TNS1: variants seen among roughly 807,000 people sequenced by gnomAD.
TNS1 encodes the protein tensin 1.
A neutral mutation model predicts 168.6 loss-of-function variants in TNS1; 62 were observed. The observed-to-expected ratio is 0.37, with a 90% CI of 0.30 to 0.45. TNS1 has a LOEUF of 0.45. TNS1 is among the 20% of genes least tolerant of loss of function. The pLI, the probability that TNS1 is intolerant of heterozygous loss-of-function variation, is 1.00. For synonymous variants in TNS1, 934 were observed against 933.2 expected (o/e 1.00, Z -0.02); for missense variants, 2,240 against 2,339.4 (o/e 0.96, Z 0.88).
intron 25 of TNS1, among the ~76,000 whole-genome samples, chr2:217,814,501 A>G (rs1371205546): frequency 6.6e-6 from 1 of 152,068 alleles, no homozygotes; most frequent in African/African-American, 2.4e-5. Context: ...TCCAGATTTG[A>G]CCCATGGGCT....
upstream of TNS1, among the ~76,000 whole-genome samples, chr2:218,004,807 A>G (rs917306274): frequency 3.9e-5 from 6 of 152,198 alleles, no homozygotes; most frequent in Non-Finnish European, 8.8e-5. Flanking sequence ...CTTCCCTGCC[A>G]GGATCACAAT....
chr2:217,860,653 T>C lies in TNS1; in HGVS notation c.1430-11566A>G, dbSNP rs551977372. On this transcript the variant is annotated intron_variant, in intron 18 of 32. Transcript: ENST00000682258. ...TGTTTATTTGTCCATCTGAATATCA[T>C]CTACATTATTATTTTGTAAGTTATA... is the stretch of plus-strand genomic sequence containing the variant. Among the ~76,000 whole-genome samples, 7 of 152,344 alleles carry C rather than the reference T, an allele frequency of 4.6e-5. No homozygotes were observed. The East Asian group carries it at 1.3e-3, about 29-fold the overall frequency.
rs541544866 is a variant in TNS1 at position 217,912,836 on chromosome 2, G to A, written c.229-5585C>T. Among the ~76,000 whole-genome samples, 80 of 152,316 alleles carry A rather than the reference G, an allele frequency of 5.3e-4. No individual in the cohort carries two copies. In the South Asian group the frequency reaches 0.016, roughly 30 times the overall value. On this transcript the variant is annotated intron_variant, in intron 4 of 32. Transcript: ENST00000682258. Reference sequence around the variant, plus strand: ...AACAAGGCAGCGGCAGCGGCAGAAGGCAGCAAAGGGAGAGAGCGCTTTCTC... The same window carrying A: ...AACAAGGCAGCGGCAGCGGCAGAAGACAGCAAAGGGAGAGAGCGCTTTCTC...
chr2:217,812,172 G>C (rs1451366729), intron 28 of TNS1, among the ~76,000 whole-genome samples, 196 bp downstream of exon 28: 1 of 152,178 alleles, frequency 6.6e-6, no homozygotes, highest in Non-Finnish European at 1.5e-5. Flanking sequence ...GTATGCTCCT[G>C]GAGTCAAGCT....
At chr2:217,978,326 G>T (rs1237017382) in intron 3 of TNS1, among the ~76,000 whole-genome samples, 2 of 152,088 alleles carry the variant, frequency 1.3e-5, no homozygotes, top group Admixed American at 1.3e-4. Flanking sequence ...TCCTGCCCTC[G>T]GGGTCCTGTG....
At chr2:217,942,989 G>A (rs1956992759) in intron 3 of TNS1, among the ~76,000 whole-genome samples, 1 of 152,172 alleles carries the variant, frequency 6.6e-6, no homozygotes, top group Admixed American at 6.5e-5. Flanking sequence ...TGGGGGTTGG[G>A]GGACTGACAC....
At chr2:217,879,111 C>T (rs772597079) in intron 18 of TNS1, among the ~76,000 whole-genome samples, 7 of 152,224 alleles carry the variant, frequency 4.6e-5, no homozygotes, top group East Asian at 1.9e-4. Flanking sequence ...CCACTCTGAC[C>T]GTCTGCTCTT....
intron 18 of TNS1, among the ~76,000 whole-genome samples, chr2:217,879,714 G>C (rs1187974711): frequency 6.6e-6 from 1 of 152,184 alleles, no homozygotes. Flanking sequence ...TCAAGGAAAG[G>C]CCCAAAGATT....
At chr2:217,826,941 C>T (rs1213595696) in intron 22 of TNS1, among the ~76,000 whole-genome samples, 1 of 152,154 alleles carries the variant, frequency 6.6e-6, no homozygotes, top group Non-Finnish European at 1.5e-5. Context: ...CACACCCACC[C>T]TAACTAAAAT....
At chr2:217,859,809 C>G in intron 18 of TNS1, 1 of 873,764 alleles carries the variant, frequency 1.1e-6, no homozygotes, top group African/African-American at 1.6e-5. Context: ...GGCAGGTGAA[C>G]GGCCCTCAAG....
At chr2:217,820,210 T>C (rs1324105588) in intron 23 of TNS1, among the ~76,000 whole-genome samples, 2 of 152,162 alleles carry the variant, frequency 1.3e-5, no homozygotes, top group African/African-American at 2.4e-5. Context: ...GCTAGCTTCC[T>C]GGAAAGGGCC....
rs61374287 is a variant in TNS1 at position 217,899,428 on chromosome 2, C to T, written c.371+1035G>A. Among the ~76,000 whole-genome samples the T allele has an allele frequency of 7.0e-3, 1,071 of 152,306 alleles. 15 individuals carry two copies. The highest frequency in any genetic ancestry group is 0.023 in the African/African-American group (951 of 41,564). ...GACCAGTCTGGGACAAGAAGCCACA[C>T]GCACACATACCTGCAAGCAAGTGGG... On this transcript the variant is annotated intron_variant, in intron 7 of 32. Coordinates refer to ENST00000682258, the MANE Select transcript of TNS1 (RefSeq NM_001387777.1).
intron 1 of TNS1, among the ~76,000 whole-genome samples, chr2:218,022,374 C>T (rs1472667358): frequency 6.6e-6 from 1 of 152,192 alleles, no homozygotes; most frequent in Admixed American, 6.5e-5. Flanking sequence ...GGCCACTCAG[C>T]CTTGGTCTGG....
chr2:217,977,843 G>A (rs189397974), intron 3 of TNS1, among the ~76,000 whole-genome samples: 28 of 152,282 alleles, frequency 1.8e-4, no homozygotes, highest in African/African-American at 6.7e-4. Context: ...TCCTTGAAAG[G>A]TCAAATATGA....
chr2:217,807,918 CT>C (rs1259781102), intron 32 of TNS1, among the ~76,000 whole-genome samples, 156 bp downstream of exon 32: 1 of 152,200 alleles, frequency 6.6e-6, no homozygotes, highest in Admixed American at 6.5e-5. Flanking sequence ...GCCTGGAAGC[CT>C]GGTCAAGCTT....
chr2:217,855,649 A>G (rs565915131), intron 18 of TNS1, among the ~76,000 whole-genome samples: 14 of 152,214 alleles, frequency 9.2e-5, no homozygotes, highest in African/African-American at 3.4e-4. Context: ...TGCCTCTTGA[A>G]GTTCAATATG....
In TNS1 at chr2:217,847,842, A is replaced by T; in HGVS notation, c.2675T>A (p.Ile892Asn). 1 of 1,589,406 alleles carries T rather than the reference A, an allele frequency of 6.3e-7. No individual in the cohort carries two copies. Among genetic ancestry groups the T allele is most frequent in the Non-Finnish European group, 8.6e-7 (1 of 1,159,980 alleles). Residue 892 changes from isoleucine to asparagine, a missense_variant, in exon 19 of 33, where the codon ATC becomes AAC. Coordinates refer to ENST00000682258, the MANE Select transcript of TNS1 (RefSeq NM_001387777.1). ...GGTTCCCAACGAATGCCCACTGGGG[A>T]TATAGCCAGATCTGGACTGGGTCAG... ...HPLTQSRSGY[I>N]PSGHSLGTPE...
At chr2:217,841,381 G>A (rs191080865) in intron 19 of TNS1, 158 of 469,656 alleles carry the variant, frequency 3.4e-4, no homozygotes, top group African/African-American at 2.2e-3. Context: ...AACAGCACAG[G>A]GAACAGATGG....
intron 23 of TNS1, among the ~76,000 whole-genome samples, chr2:217,819,580 G>T (rs564680045): frequency 6.6e-6 from 1 of 152,182 alleles, no homozygotes; most frequent in African/African-American, 2.4e-5. Context: ...CACAGTCAAA[G>T]GTTCCCTTGT....
Sources: gnomAD v4.1 joint callset for allele counts (sites outside exome capture counted in the v4.1 genomes callset) on GRCh38, gnomAD v4.1.1 for gene constraint, MANE v1.5 for transcripts, NCBI Gene and HGNC (gene_info 2026-07-23, HGNC 2026-07-21) for gene names.